Variants in SMYD3 observed in about 807,000 individuals in gnomAD.
SMYD3 encodes histone-lysine N-methyltransferase SMYD3.
A neutral mutation model predicts 57.7 loss-of-function variants in SMYD3; 36 were observed. That is an observed-to-expected ratio of 0.62 (90% CI 0.48 to 0.82). The LOEUF is 0.82. Among genes scored for constraint, SMYD3 ranks in the 40% least tolerant of loss-of-function variants. The pLI, the probability that SMYD3 is intolerant of heterozygous loss-of-function variation, is 0.00. For missense variants in SMYD3, 515 were observed against 538.8 expected (o/e 0.96, Z 0.44); for synonymous variants, 211 against 195.0 (o/e 1.08, Z -0.68).
At chr1:245,753,637 C>G (rs2045487116) in intron 11 of SMYD3, among the ~76,000 whole-genome samples, 4 of 143,726 alleles carry the variant, frequency 2.8e-5, no homozygotes, top group Admixed American at 2.7e-4. Flanking sequence ...CTGGGGCAGA[C>G]AGTCCTCAAC....
At position 245,920,117 on chromosome 1, in the gene SMYD3, T is replaced by G. The variant is rs1019521927; in HGVS notation, c.703-4477A>C. Among the ~76,000 whole-genome samples the G allele has an allele frequency of 1.0e-3, 154 of 152,042 alleles. 3 individuals are homozygous for G. The highest frequency in any genetic ancestry group is 3.6e-3 in the African/African-American group (151 of 41,462). On this transcript the variant is annotated intron_variant, in intron 7 of 11. Coordinates refer to ENST00000490107, the MANE Select transcript of SMYD3 (RefSeq NM_001167740.2). Reference sequence around the variant, plus strand: ...TCACGAGGTCAGGAGATTGAGACCATCCTGGCTAACACGGTGAAACCCCGT... The same window carrying G: ...TCACGAGGTCAGGAGATTGAGACCAGCCTGGCTAACACGGTGAAACCCCGT...
intron 10 of SMYD3, among the ~76,000 whole-genome samples, chr1:245,828,310 T>A (rs1410447625): frequency 6.6e-6 from 1 of 152,218 alleles, no homozygotes; most frequent in Non-Finnish European, 1.5e-5. Flanking sequence ...TTAAAGGATA[T>A]CTGGTTCTTC....
At chr1:246,207,834 A>G (rs1263689613) in intron 5 of SMYD3, among the ~76,000 whole-genome samples, 1 of 152,100 alleles carries the variant, frequency 6.6e-6, no homozygotes, top group Admixed American at 6.5e-5. Flanking sequence ...CTTTTTCACT[A>G]TATTCTTCAA....
intron 5 of SMYD3, among the ~76,000 whole-genome samples, chr1:245,963,533 GTT>G (rs56686693): frequency 6.8e-6 from 1 of 147,984 alleles, no homozygotes; most frequent in Admixed American, 6.7e-5. Context: ...GCTTTTGTGA[GTT>G]TTTTTTTTTC....
At chr1:245,812,553 C>T (rs899477172) in intron 10 of SMYD3, among the ~76,000 whole-genome samples, 7 of 152,064 alleles carry the variant, frequency 4.6e-5, no homozygotes, top group African/African-American at 1.7e-4. Flanking sequence ...CCGAGGAAAC[C>T]CTAAGAGAGG....
chr1:246,498,136 C>T (rs1181823912), intron 1 of SMYD3, among the ~76,000 whole-genome samples: 1 of 152,158 alleles, frequency 6.6e-6, no homozygotes, highest in African/African-American at 2.4e-5. Context: ...GGTACAACCC[C>T]ACATAGGTAT....
rs1491323831 is a variant in SMYD3, at chr1:245,921,547, G to GTACATATATATATATATA, written c.703-5908_703-5907insTATATATATATATATGTA. On this transcript the variant is annotated intron_variant, in intron 7 of 11. Coordinates refer to ENST00000490107, the MANE Select transcript of SMYD3 (RefSeq NM_001167740.2). ...CATCAACAGTGAGCTAAAAAATGTGGTGTATATATATATATATATATATAC... is the reference window on the plus strand; with the variant it reads ...CATCAACAGTGAGCTAAAAAATGTGGTACATATATATATATATATGTATATATATATATATATATATAC... 3.6e-3 allele frequency among the ~76,000 whole-genome samples: 125 copies of GTACATATATATATATATA among 35,064 alleles called. 2 individuals carry two copies. The highest frequency in any genetic ancestry group is 9.0e-3 in the Admixed American group (23 of 2,564). 23.0% of individuals were successfully genotyped at this position (35,064 alleles called of 152,430 possible).
intron 1 of SMYD3, among the ~76,000 whole-genome samples, chr1:246,495,597 A>G (rs2068348267): frequency 2.6e-5 from 4 of 152,156 alleles, no homozygotes. Flanking sequence ...TTACTTCAGA[A>G]GTAAGTTGCT....
chr1:245,838,024 T>C (rs2050186281), intron 10 of SMYD3, among the ~76,000 whole-genome samples: 1 of 152,210 alleles, frequency 6.6e-6, no homozygotes, highest in Non-Finnish European at 1.5e-5. Flanking sequence ...GAAAATATGA[T>C]CTCTGACTTT....
intron 5 of SMYD3, among the ~76,000 whole-genome samples, chr1:246,266,804 A>G (rs1246415328): frequency 7.4e-6 from 1 of 134,934 alleles, no homozygotes; most frequent in Non-Finnish European, 1.6e-5. Flanking sequence ...AGAAAGAGAG[A>G]GAGAGAAGAG....
At position 245,994,368 on chromosome 1, in the gene SMYD3, C is replaced by A. The variant is rs140403564; in HGVS notation, c.532-64431G>T. ...GACAAAATGAAAGCGAAGGCGTCAG[C>A]TGAGAGGGACGCGGGGCTTTAGGTA... On this transcript the variant is annotated intron_variant, in intron 5 of 11. Transcript: ENST00000490107. Among the ~76,000 whole-genome samples, 528 of 152,274 alleles carry A rather than the reference C, an allele frequency of 3.5e-3. 4 individuals are homozygous for A. The highest frequency in any genetic ancestry group is 0.011 in the African/African-American group (477 of 41,536).
chr1:246,184,961 C>T (rs984159690), intron 5 of SMYD3, among the ~76,000 whole-genome samples: 4 of 152,148 alleles, frequency 2.6e-5, no homozygotes, highest in Non-Finnish European at 5.9e-5. Context: ...TAGTGACTAC[C>T]CAAACAGCAG....
intron 1 of SMYD3, among the ~76,000 whole-genome samples, chr1:246,357,762 G>T (rs1010816119): frequency 3.3e-5 from 5 of 152,314 alleles, no homozygotes; most frequent in African/African-American, 1.2e-4. Context: ...GACAAATGCT[G>T]AGAGAATTCG....
chr1:246,288,740 T>G (rs929541237), intron 5 of SMYD3, among the ~76,000 whole-genome samples: 1 of 152,210 alleles, frequency 6.6e-6, no homozygotes, highest in South Asian at 2.1e-4. Flanking sequence ...AGGGGTAAGT[T>G]TGTCCAATCA....
At chr1:246,463,213 T>C (rs1397428865) in intron 1 of SMYD3, among the ~76,000 whole-genome samples, 1 of 151,910 alleles carries the variant, frequency 6.6e-6, no homozygotes, top group Non-Finnish European at 1.5e-5. Context: ...GAGACTAAGA[T>C]AGAAATTTAG....
intron 5 of SMYD3, among the ~76,000 whole-genome samples, chr1:246,039,983 T>C (rs2059840385): frequency 1.3e-5 from 2 of 152,318 alleles, no homozygotes; most frequent in East Asian, 1.9e-4. Flanking sequence ...ATTAGTACCA[T>C]TGTCTTAGCG....
At chr1:245,860,668 TG>T (rs1015644488) in intron 9 of SMYD3, among the ~76,000 whole-genome samples, 23 of 152,216 alleles carry the variant, frequency 1.5e-4, no homozygotes, top group Non-Finnish European at 3.4e-4. Context: ...AGCGAGTGCA[TG>T]ATTTGCTCTT....
At chr1:245,896,996 C>G (rs1478514708) in intron 8 of SMYD3, among the ~76,000 whole-genome samples, 1 of 152,134 alleles carries the variant, frequency 6.6e-6, no homozygotes, top group Admixed American at 6.5e-5. Context: ...CAACTGAAAA[C>G]AATCAGAACA....
intron 5 of SMYD3, among the ~76,000 whole-genome samples, chr1:246,150,734 G>A (rs1003676187): frequency 6.6e-6 from 1 of 152,134 alleles, no homozygotes; most frequent in Admixed American, 6.5e-5. Context: ...GGGGGGACAT[G>A]GAAAAAGGCC....
Sources: gnomAD v4.1 joint callset for allele counts (sites outside exome capture counted in the v4.1 genomes callset) on GRCh38, gnomAD v4.1.1 for gene constraint, MANE v1.5 for transcripts, NCBI Gene and HGNC (gene_info 2026-07-23, HGNC 2026-07-21) for gene names.